LNPEP: variants seen among roughly 807,000 people sequenced by gnomAD.
LNPEP encodes leucyl and cystinyl aminopeptidase, also known as leucyl-cystinyl aminopeptidase.
In LNPEP, 64 loss-of-function variants were observed where a neutral mutation model predicts 120.6. That is an observed-to-expected ratio of 0.53 (90% CI 0.43 to 0.65). The LOEUF is 0.65. LNPEP is among the 30% of genes least tolerant of loss of function. LNPEP has a pLI of 0.00. For missense variants in LNPEP, 1,057 were observed against 1,200.0 expected, an observed-to-expected ratio of 0.88 and a Z score of 1.76; for synonymous variants, 435 against 425.4, an observed-to-expected ratio of 1.02 and a Z score of -0.28.
rs1291425280 is a variant in LNPEP, at chr5:97,033,672, C to T, written c.*5139C>T. 1 of 152,214 alleles carries T rather than the reference C, an allele frequency of 6.6e-6. No individual in the cohort carries two copies. The highest frequency in any genetic ancestry group is 1.5e-5 in the Non-Finnish European group (1 of 68,038). The allele number at this position is 152,214 out of a possible 1,614,324, so 9.4% of individuals were successfully genotyped here. Reference sequence around the variant, plus strand: ...CCTGTAGCAGCTCTCCTCTTCTGCCCTTCCCTTAGATTGTCTGTGTGGGCA... The same window carrying T: ...CCTGTAGCAGCTCTCCTCTTCTGCCTTTCCCTTAGATTGTCTGTGTGGGCA... On this transcript the variant is annotated 3_prime_UTR_variant, in exon 18 of 18. Coordinates refer to ENST00000231368, the MANE Select transcript of LNPEP (RefSeq NM_005575.3).
rs138890524 is a variant in LNPEP at position 96,948,436 on chromosome 5, T to A, written c.19+12262T>A. Among the ~76,000 whole-genome samples, 386 of 152,380 alleles carry A rather than the reference T, an allele frequency of 2.5e-3. 6 individuals are homozygous for A. The highest frequency in any genetic ancestry group is 0.022 in the Admixed American group (334 of 15,308). The stretch of plus-strand genomic sequence containing the variant: ...CCCAGCCCAGATTCTTCTTGCATTC[T>A]GTTTTAAACTGCTCCCATTAATAAG... On this transcript the variant is annotated intron_variant, in intron 1 of 17. Coordinates refer to ENST00000231368, the MANE Select transcript of LNPEP (RefSeq NM_005575.3).
At chr5:97,026,946 A>G (rs1315439448) in intron 16 of LNPEP, among the ~76,000 whole-genome samples, 189 bp downstream of exon 16, 1 of 152,244 alleles carries the variant, frequency 6.6e-6, no homozygotes, top group Non-Finnish European at 1.5e-5. Context: ...ATCATTTAAC[A>G]GTAGCATTCC....
intron 1 of LNPEP, among the ~76,000 whole-genome samples, chr5:96,950,938 C>T (rs1789305682): frequency 6.6e-6 from 1 of 152,140 alleles, no homozygotes; most frequent in Admixed American, 6.5e-5. Context: ...TGAAGTAATA[C>T]AGACTGGGTG....
intron 1 of LNPEP, among the ~76,000 whole-genome samples, chr5:96,973,350 A>T (rs542317643): frequency 2.0e-5 from 3 of 151,946 alleles, no homozygotes; most frequent in Admixed American, 6.6e-5. Flanking sequence ...AAAAAATAGA[A>T]TTTTTTTTGA....
At chr5:96,952,054 T>C (rs1789337021) in intron 1 of LNPEP, among the ~76,000 whole-genome samples, 1 of 152,178 alleles carries the variant, frequency 6.6e-6, no homozygotes, top group African/African-American at 2.4e-5. Flanking sequence ...GTATGAGTTA[T>C]TTCTCTAGAT....
At chr5:96,998,280 T>C in intron 8 of LNPEP, 135 bp downstream of exon 8, 1 of 723,214 alleles carries the variant, frequency 1.4e-6, no homozygotes, top group South Asian at 1.9e-5. Context: ...TATAAAATGT[T>C]TGCTTCTGTA....
chr5:96,950,581 C>T lies in LNPEP; in HGVS notation c.19+14407C>T, dbSNP rs113268326. On this transcript the variant is annotated intron_variant, in intron 1 of 17. Coordinates refer to ENST00000231368, the MANE Select transcript of LNPEP (RefSeq NM_005575.3). ...AAAGGCAGGACTCTCTATTAGTTGA[C>T]GTAACAAAATATTAATAACTAGTGT... 7.2e-3 allele frequency among the ~76,000 whole-genome samples: 1,089 copies of T among 152,140 alleles called. 14 individuals are homozygous for T. The highest frequency in any genetic ancestry group is 0.025 in the African/African-American group (1,022 of 41,474).
At chr5:96,999,043 T>G (rs1336157205) in intron 8 of LNPEP, among the ~76,000 whole-genome samples, 1 of 152,010 alleles carries the variant, frequency 6.6e-6, no homozygotes, top group Admixed American at 6.6e-5. Flanking sequence ...AAGCCACACG[T>G]GAAGAGGGAA....
At chr5:97,003,763 T>A (rs1257452942) in intron 9 of LNPEP, among the ~76,000 whole-genome samples, 5 of 151,710 alleles carry the variant, frequency 3.3e-5, no homozygotes, top group Non-Finnish European at 7.4e-5. Context: ...AAAAGACGTG[T>A]GTGGGCTTGG....
chr5:96,939,433 C>G lies in LNPEP; in HGVS notation c.19+3259C>G, dbSNP rs1189684390. On this transcript the variant is annotated intron_variant, in intron 1 of 17. Coordinates refer to ENST00000231368, the MANE Select transcript of LNPEP (RefSeq NM_005575.3). ...TTCACCATGTTGGCCAGGTGAACTC[C>G]TGACCTCAAGTGATCCGCTCACCTT... Among the ~76,000 whole-genome samples, 4 of 152,162 alleles carry G rather than the reference C, an allele frequency of 2.6e-5. No homozygotes were observed. In the South Asian group the frequency reaches 8.3e-4, roughly 32 times the overall value.
intron 14 of LNPEP, among the ~76,000 whole-genome samples, chr5:97,023,583 A>C (rs747128807): frequency 6.6e-6 from 1 of 152,044 alleles, no homozygotes; most frequent in South Asian, 2.1e-4. Context: ...AGGCTGAATA[A>C]TTTTCCATTG....
chr5:96,979,103 A>G, intron 1 of LNPEP, 35 bp from the exon 2 acceptor site: 1 of 1,534,472 alleles, frequency 6.5e-7, no homozygotes, highest in Non-Finnish European at 8.7e-7. Flanking sequence ...TTTTTTTCTA[A>G]CTCTGTGCCT....
At chr5:96,999,893 G>A (rs895033942) in intron 8 of LNPEP, among the ~76,000 whole-genome samples, 4 of 151,516 alleles carry the variant, frequency 2.6e-5, no homozygotes, top group Admixed American at 6.6e-5. Flanking sequence ...AGGGAAATAC[G>A]TTTAGCAGAC....
At chr5:96,946,500 G>A (rs899861450) in intron 1 of LNPEP, among the ~76,000 whole-genome samples, 12 of 152,196 alleles carry the variant, frequency 7.9e-5, no homozygotes, top group Admixed American at 3.9e-4. Context: ...GCATAATTCT[G>A]TTTTAATTAA....
At chr5:96,987,430 G>A (rs999150660) in intron 4 of LNPEP, among the ~76,000 whole-genome samples, 7 of 151,998 alleles carry the variant, frequency 4.6e-5, no homozygotes, top group South Asian at 2.1e-4. Context: ...TTCTGTTTTC[G>A]TATTTTTGAG....
At chr5:96,973,695 G>A (rs1162860489) in intron 1 of LNPEP, among the ~76,000 whole-genome samples, 1 of 152,046 alleles carries the variant, frequency 6.6e-6, no homozygotes, top group African/African-American at 2.4e-5. Context: ...TCTGGATTTT[G>A]GTTTCACAGG....
At position 97,028,922 on chromosome 5, in the gene LNPEP, C is replaced by G. The variant is rs1354317207; in HGVS notation, c.*389C>G. On this transcript the variant is annotated 3_prime_UTR_variant, in exon 18 of 18. Coordinates refer to ENST00000231368, the MANE Select transcript of LNPEP (RefSeq NM_005575.3). ...TAAGAGCCGCCATCACTTCAGGCCGCTGGTTTGTCAGCCATCTGTTGCTTC... is the reference window on the plus strand; with the variant it reads ...TAAGAGCCGCCATCACTTCAGGCCGGTGGTTTGTCAGCCATCTGTTGCTTC... 5.6e-6 allele frequency: 1 copy of G among 177,084 alleles called. No individual in the cohort carries two copies. Among genetic ancestry groups the G allele is most frequent in the African/African-American group, 2.4e-5 (1 of 41,682 alleles). The allele number at this position is 177,084 out of a possible 1,614,324, so 11.0% of individuals were successfully genotyped here. A position where few individuals can be genotyped will look rare whatever the true frequency, so the allele number is the denominator to read the frequency against.
chr5:97,007,743 C>G (rs1044750686), intron 11 of LNPEP, among the ~76,000 whole-genome samples: 1 of 152,054 alleles, frequency 6.6e-6, no homozygotes, highest in Non-Finnish European at 1.5e-5. Flanking sequence ...ACTTGATTCA[C>G]CATTTGTTGT....
At chr5:96,944,936 C>A (rs1314285935) in intron 1 of LNPEP, among the ~76,000 whole-genome samples, 1 of 152,018 alleles carries the variant, frequency 6.6e-6, no homozygotes, top group African/African-American at 2.4e-5. Flanking sequence ...GACCTGGAAT[C>A]CATAGAAAGG....
Sources: gnomAD v4.1 joint callset for allele counts (sites outside exome capture counted in the v4.1 genomes callset) on GRCh38, gnomAD v4.1.1 for gene constraint, MANE v1.5 for transcripts, NCBI Gene and HGNC (gene_info 2026-07-23, HGNC 2026-07-21) for gene names.